The following ITGB6 variants were observed in gnomAD, a reference collection of about 807,000 sequenced individuals.
ITGB6 encodes the protein integrin subunit beta 6, also known as integrin beta-6.
A neutral mutation model predicts 84.5 loss-of-function variants in ITGB6; 80 were observed. The observed-to-expected ratio is 0.95, with a 90% CI of 0.79 to 1.14. The LOEUF is 1.14. Ranked by LOEUF, ITGB6 falls within the 50% of genes most tolerant of loss-of-function variation. ITGB6 has a pLI of 0.00. For synonymous variants in ITGB6, 383 were observed against 354.9 expected, an observed-to-expected ratio of 1.08 and a Z score of -0.89; for missense variants, 1,006 against 968.0, an observed-to-expected ratio of 1.04 and a Z score of -0.52.
chr2:160,105,299 A>T (rs1035829432), intron 14 of ITGB6, among the ~76,000 whole-genome samples: 2 of 152,208 alleles, frequency 1.3e-5, no homozygotes, highest in Admixed American at 6.5e-5. Context: ...AAACAGCAAA[A>T]ATTCAGCATT....
At chr2:160,114,682 G>T (rs573884496) in intron 12 of ITGB6, among the ~76,000 whole-genome samples, 1 of 152,146 alleles carries the variant, frequency 6.6e-6, no homozygotes, top group Non-Finnish European at 1.5e-5. Flanking sequence ...CGCACCGTGC[G>T]CGAGCCAAAG....
At chr2:160,142,930 A>T (rs1684054152) in intron 7 of ITGB6, among the ~76,000 whole-genome samples, 1 of 152,222 alleles carries the variant, frequency 6.6e-6, no homozygotes, top group Non-Finnish European at 1.5e-5. Flanking sequence ...CTGTCTTCTT[A>T]AACAAAGATT....
chr2:160,108,755 G>A (rs11890075), intron 13 of ITGB6, among the ~76,000 whole-genome samples: 37,678 of 152,034 alleles, frequency 0.25, 8,548 homozygotes, highest in African/African-American at 0.6. Context: ...GTTCTGTAGG[G>A]TACTTTCAAC....
At chr2:160,158,229 T>C (rs549616143) in intron 7 of ITGB6, among the ~76,000 whole-genome samples, 1 of 152,310 alleles carries the variant, frequency 6.6e-6, no homozygotes, top group South Asian at 2.1e-4. Flanking sequence ...GCCCCAGCAA[T>C]GACTAGGTTG....
intron 4 of ITGB6, among the ~76,000 whole-genome samples, chr2:160,189,848 T>G (rs1686065853): frequency 6.6e-6 from 1 of 152,128 alleles, no homozygotes; most frequent in African/African-American, 2.4e-5. Context: ...GCCATCCCAT[T>G]ACTGGGTATA....
chr2:160,165,113 A>C (rs1409342985), intron 7 of ITGB6, among the ~76,000 whole-genome samples: 2 of 152,240 alleles, frequency 1.3e-5, no homozygotes, highest in Non-Finnish European at 2.9e-5. Context: ...CATAATCCAG[A>C]AGTGGTCGTT....
At chr2:160,172,110 A>C (rs1685228960) in intron 6 of ITGB6, among the ~76,000 whole-genome samples, 1 of 152,192 alleles carries the variant, frequency 6.6e-6, no homozygotes, top group South Asian at 2.1e-4. Context: ...ATAAATGACA[A>C]AAAATAAGCC....
chr2:160,130,112 C>G (rs1683406799), intron 10 of ITGB6, among the ~76,000 whole-genome samples: 1 of 152,032 alleles, frequency 6.6e-6, no homozygotes, highest in Non-Finnish European at 1.5e-5. Flanking sequence ...GCCTATTGCT[C>G]CTAGGCTACA....
At chr2:160,136,889 TG>T (rs1483779600) in intron 10 of ITGB6, among the ~76,000 whole-genome samples, 4 of 111,512 alleles carry the variant, frequency 3.6e-5, no homozygotes, top group Non-Finnish European at 7.2e-5. Context: ...CATCACACAC[TG>T]GGGCCTGTTG....
chr2:160,199,398 G>A, intron 1 of ITGB6, 140 bp from the exon 2 acceptor site: 1 of 605,432 alleles, frequency 1.7e-6, no homozygotes, highest in Non-Finnish European at 3.0e-6. Flanking sequence ...CGAAATGTTA[G>A]CAATTCACAT....
At chr2:160,161,858 C>T (rs1301577101) in intron 7 of ITGB6, among the ~76,000 whole-genome samples, 1 of 152,154 alleles carries the variant, frequency 6.6e-6, no homozygotes, top group East Asian at 1.9e-4. Flanking sequence ...ATTATAGATG[C>T]CATTCCCCTG....
chr2:160,124,545 G>GAGT (rs1408437867), intron 11 of ITGB6, among the ~76,000 whole-genome samples: 4 of 152,174 alleles, frequency 2.6e-5, no homozygotes, highest in African/African-American at 4.8e-5. Flanking sequence ...GTACTCTAAA[G>GAGT]ACATCTATAG....
At chr2:160,120,131 T>C (rs1341472632) in intron 12 of ITGB6, among the ~76,000 whole-genome samples, 1 of 151,938 alleles carries the variant, frequency 6.6e-6, no homozygotes. Flanking sequence ...GATCTAGAAC[T>C]AGAAATACTA....
intron 12 of ITGB6, among the ~76,000 whole-genome samples, chr2:160,120,668 T>TAAAAAAA (rs200095827): frequency 3.1e-4 from 5 of 16,122 alleles, no homozygotes; most frequent in East Asian, 8.0e-4. Flanking sequence ...AGAGTATAAT[T>TAAAAAAA]AAAAAAAAAA....
intron 2 of ITGB6, 65 bp downstream of exon 2, chr2:160,199,114 G>T: frequency 7.6e-7 from 1 of 1,308,300 alleles, no homozygotes; most frequent in Non-Finnish European, 1.1e-6. Context: ...AAATATCACT[G>T]AGGAAATTAA....
At chr2:160,184,657 C>A (rs1364211265) in intron 4 of ITGB6, among the ~76,000 whole-genome samples, 1 of 152,154 alleles carries the variant, frequency 6.6e-6, no homozygotes, top group Admixed American at 6.5e-5. Flanking sequence ...AATACACAAG[C>A]CTGGCAGAGA....
At chr2:160,198,314 C>T (rs1390643662) in intron 2 of ITGB6, among the ~76,000 whole-genome samples, 1 of 152,210 alleles carries the variant, frequency 6.6e-6, no homozygotes, top group African/African-American at 2.4e-5. Flanking sequence ...TGGATACACA[C>T]TGAACTCGGA....
At chr2:160,140,594 A>G (rs1447570926) in intron 8 of ITGB6, among the ~76,000 whole-genome samples, 1 of 151,164 alleles carries the variant, frequency 6.6e-6, no homozygotes, top group Admixed American at 6.6e-5. Context: ...CTACACATTA[A>G]AACTTTAATT....
intron 10 of ITGB6, among the ~76,000 whole-genome samples, chr2:160,135,973 C>G (rs547734883): frequency 1.3e-5 from 2 of 152,290 alleles, no homozygotes; most frequent in African/African-American, 4.8e-5. Flanking sequence ...CTAGGCAATG[C>G]CATTCGGGAC....
Sources: gnomAD v4.1 joint callset for allele counts (sites outside exome capture counted in the v4.1 genomes callset) on GRCh38, gnomAD v4.1.1 for gene constraint, MANE v1.5 for transcripts, NCBI Gene and HGNC (gene_info 2026-07-23, HGNC 2026-07-21) for gene names.